The following NDUFS6 variants were observed in gnomAD, a reference collection of about 807,000 sequenced individuals.
The protein encoded by NDUFS6 is NADH dehydrogenase [ubiquinone] iron-sulfur protein 6, mitochondrial.
In NDUFS6, 14 loss-of-function variants were observed where a neutral mutation model predicts 13.2. The observed-to-expected ratio is 1.06, with a 90% CI of 0.70 to 1.66. The LOEUF (loss-of-function observed/expected upper bound fraction) is 1.66, where lower values mean the gene tolerates loss of function less well. Among genes scored for constraint, NDUFS6 ranks in the 40% most tolerant of loss-of-function variants. The pLI is 0.00. For missense variants in NDUFS6, 206 were observed against 170.8 expected, an observed-to-expected ratio of 1.21 and a Z score of -1.15; for synonymous variants, 95 against 72.3, an observed-to-expected ratio of 1.31 and a Z score of -1.60.
chr5:1,814,623 A>G lies in NDUFS6; in HGVS notation c.309+162A>G, dbSNP rs1295782949. 1.4e-5 allele frequency: 15 copies of G among 1,071,072 alleles called. No homozygotes were observed. The Admixed American group carries it at 2.6e-4, about 18-fold the overall frequency. The allele number at this position is 1,071,072 out of a possible 1,614,324, so 66.3% of individuals were successfully genotyped here. ...CACATTCACCCTACAGCGCCACACTACAGGGCCTACATAGAGCCGCCTGTC... is the reference window on the plus strand; with the variant it reads ...CACATTCACCCTACAGCGCCACACTGCAGGGCCTACATAGAGCCGCCTGTC... On this transcript the variant is annotated intron_variant, in intron 3 of 3. Coordinates refer to ENST00000274137, the MANE Select transcript of NDUFS6 (RefSeq NM_004553.6). This position sits in a 1 kb window ranked among gnomAD's most constrained non-coding sequence, Gnocchi z 4.9.
At chr5:1,812,922 G>C (rs907262607) in intron 2 of NDUFS6, among the ~76,000 whole-genome samples, 4 of 152,094 alleles carry the variant, frequency 2.6e-5, no homozygotes, top group Non-Finnish European at 4.4e-5. Flanking sequence ...ACGTGGTGGC[G>C]GGTGCCTGTA....
At chr5:1,811,439 A>T (rs1471746586) in intron 2 of NDUFS6, among the ~76,000 whole-genome samples, 3 of 152,272 alleles carry the variant, frequency 2.0e-5, no homozygotes, top group Non-Finnish European at 2.9e-5. Flanking sequence ...CTTTAAGTTA[A>T]ATATCTAAGT....
At chr5:1,801,737 G>C (rs1054257768) in intron 1 of NDUFS6, among the ~76,000 whole-genome samples, 188 bp downstream of exon 1, 1 of 152,228 alleles carries the variant, frequency 6.6e-6, no homozygotes, top group African/African-American at 2.4e-5. Flanking sequence ...GCCTGTAGCG[G>C]TGGGTCTCGT....
chr5:1,815,829 C>T (rs1734299452), intron 3 of NDUFS6, 22 bp from the exon 4 acceptor site: 1 of 1,610,194 alleles, frequency 6.2e-7, no homozygotes, highest in Middle Eastern at 1.7e-4. Context: ...AATATGACAT[C>T]ATTCCTTTTG....
rs1174391780 is a variant in NDUFS6 at position 1,814,542 on chromosome 5, T to C, written c.309+81T>C. 1 of 1,602,828 alleles carries C rather than the reference T, an allele frequency of 6.2e-7. No individual in the cohort carries two copies. The highest frequency in any genetic ancestry group is 1.3e-5 in the African/African-American group (1 of 74,838). On this transcript the variant is annotated intron_variant, in intron 3 of 3. Coordinates refer to ENST00000274137, the MANE Select transcript of NDUFS6 (RefSeq NM_004553.6). The surrounding 1 kb of genome is among the most constrained non-coding windows in gnomAD (Gnocchi z 4.9). ...CCCTTCACTCCCAGTGCCTGTTCTT[T>C]CTGTCCTCTTCTCTACCTGCTCCCG...
At position 1,814,856 on chromosome 5, in the gene NDUFS6, G is replaced by C. The variant is rs544081169; in HGVS notation, c.309+395G>C. ...CCCAAGACCACCGTGCCGCTCTGTG[G>C]GTTCCTCCTGGGGCCTCGCTCCGGG... On this transcript the variant is annotated intron_variant, in intron 3 of 3. Transcript: ENST00000274137. The surrounding 1 kb of genome is among the most constrained non-coding windows in gnomAD (Gnocchi z 4.9). Among the ~76,000 whole-genome samples the C allele has an allele frequency of 6.6e-6, 1 of 152,298 alleles. No individual in the cohort carries two copies. The highest frequency in any genetic ancestry group is 1.9e-4 in the East Asian group (1 of 5,176).
intron 2 of NDUFS6, among the ~76,000 whole-genome samples, chr5:1,803,426 A>G (rs1324572084): frequency 2.0e-5 from 3 of 152,138 alleles, no homozygotes; most frequent in African/African-American, 7.2e-5. Flanking sequence ...AGTGATGTCT[A>G]CCAGGATCAT....
rs530696968 is a variant in NDUFS6, at chr5:1,806,088, A to G, written c.186+3714A>G. Among the ~76,000 whole-genome samples, 30 of 152,368 alleles carry G rather than the reference A, an allele frequency of 2.0e-4. 1 individual carries two copies. The highest frequency in any genetic ancestry group is 7.2e-4 in the Admixed American group (11 of 15,310). ...GGCTTCACTTTTAGATTTTTTTAAA[A>G]TACTGAAGTTAAACGTTAGTGTCTA... On this transcript the variant is annotated intron_variant, in intron 2 of 3. Coordinates refer to ENST00000274137, the MANE Select transcript of NDUFS6 (RefSeq NM_004553.6).
intron 2 of NDUFS6, among the ~76,000 whole-genome samples, chr5:1,805,370 C>T (rs1734107376): frequency 6.6e-6 from 1 of 152,200 alleles, no homozygotes; most frequent in South Asian, 2.1e-4. Context: ...TGAACTTCAC[C>T]TGTAGAACAA....
intron 2 of NDUFS6, among the ~76,000 whole-genome samples, chr5:1,809,247 CAA>C (rs1331410360): frequency 7.9e-5 from 12 of 152,196 alleles, no homozygotes; most frequent in Non-Finnish European, 1.5e-5. Context: ...GTGTGCTTAA[CAA>C]GAGATGGCGT....
intron 2 of NDUFS6, among the ~76,000 whole-genome samples, chr5:1,812,996 G>A (rs1174688306): frequency 6.6e-6 from 1 of 152,124 alleles, no homozygotes; most frequent in Non-Finnish European, 1.5e-5. Flanking sequence ...AGGTGGCAGT[G>A]AGCCAAAATC....
At chr5:1,806,906 T>C (rs1477511316) in intron 2 of NDUFS6, among the ~76,000 whole-genome samples, 1 of 152,170 alleles carries the variant, frequency 6.6e-6, no homozygotes, top group Non-Finnish European at 1.5e-5. Context: ...TGGGGGTCCA[T>C]TGTCAGCTGA....
rs1051742909 is a variant in NDUFS6 at position 1,806,248 on chromosome 5, G to C, written c.186+3874G>C. 2.6e-5 allele frequency among the ~76,000 whole-genome samples: 4 copies of C among 152,234 alleles called. No individual in the cohort carries two copies. The East Asian group carries it at 7.7e-4, about 29-fold the overall frequency. ...CTGTGTGTGTCAGGATCACGGAACA[G>C]CTGGGGGCTTCAGCTTGTGCCTTCA... On this transcript the variant is annotated intron_variant, in intron 2 of 3. Coordinates refer to ENST00000274137, the MANE Select transcript of NDUFS6 (RefSeq NM_004553.6).
At chr5:1,815,740 C>G in intron 3 of NDUFS6, 111 bp from the exon 4 acceptor site, 1 of 1,072,162 alleles carries the variant, frequency 9.3e-7, no homozygotes, top group Non-Finnish European at 1.4e-6. Flanking sequence ...GTAGTAACTG[C>G]GTATTTTTGT....
rs1734100032 is a variant in NDUFS6, at chr5:1,804,903, T to C, written c.186+2529T>C. Among the ~76,000 whole-genome samples the C allele has an allele frequency of 2.0e-5, 3 of 152,224 alleles. No individual in the cohort carries two copies. In the South Asian group the frequency reaches 6.2e-4, roughly 31 times the overall value. On this transcript the variant is annotated intron_variant, in intron 2 of 3. Transcript: ENST00000274137. ...TTGGATAGATGTGTAATGACATGTA[T>C]TCACTGTGACAGTGTTGTACCGAGT... is the stretch of plus-strand genomic sequence containing the variant.
Position 1,816,019 on chromosome 5 carries a change from C to T in NDUFS6, c.*103C>T. On this transcript the variant is annotated 3_prime_UTR_variant, in exon 4 of 4. Transcript: ENST00000274137. ...TTCTGTGCGAAGGGTATTCCTGGTGCTGAATAAAGGGTGTTGCTGTCAAGG... is the reference window on the plus strand; with the variant it reads ...TTCTGTGCGAAGGGTATTCCTGGTGTTGAATAAAGGGTGTTGCTGTCAAGG... 1 of 1,261,972 alleles carries T rather than the reference C, an allele frequency of 7.9e-7. No homozygotes were observed. The highest frequency in any genetic ancestry group is 1.7e-5 in the Admixed American group (1 of 59,494). 78.2% of individuals were successfully genotyped at this position (1,261,972 alleles called of 1,614,324 possible).
chr5:1,813,246 G>A (rs904774794), intron 2 of NDUFS6, among the ~76,000 whole-genome samples: 4 of 152,304 alleles, frequency 2.6e-5, no homozygotes, highest in Middle Eastern at 3.4e-3. Context: ...TTCTTAAGGT[G>A]TGTCCTGTTA....
intron 2 of NDUFS6, among the ~76,000 whole-genome samples, chr5:1,803,808 G>A (rs1250499182): frequency 6.6e-6 from 1 of 152,252 alleles, no homozygotes. Context: ...TTTCTTCCGT[G>A]TGCAGGCTGT....
chr5:1,808,877 G>A (rs1003178441), intron 2 of NDUFS6, among the ~76,000 whole-genome samples: 1 of 152,340 alleles, frequency 6.6e-6, no homozygotes, highest in Non-Finnish European at 1.5e-5. Flanking sequence ...TGTTCAGAAT[G>A]CCTGATGTTC....
Sources: allele counts gnomAD v4.1 joint callset (sites outside exome capture counted in the v4.1 genomes callset), GRCh38; gene constraint gnomAD v4.1.1; non-coding constraint Gnocchi (gnomAD v3.1); transcripts MANE v1.5; gene names NCBI Gene and HGNC (gene_info 2026-07-23, HGNC 2026-07-21).